The following CSMD3 variants were observed in gnomAD, a reference collection of about 807,000 sequenced individuals.
CSMD3 encodes the protein CUB and Sushi multiple domains 3, also known as CUB and sushi domain-containing protein 3.
CSMD3 carries 177 observed loss-of-function variants against 435.2 expected under a neutral mutation model. The ratio of observed to expected loss-of-function variants is 0.41; its 90% CI spans 0.36 to 0.46. CSMD3 has a LOEUF of 0.46. Among genes scored for constraint, CSMD3 ranks in the 20% least tolerant of loss-of-function variants. CSMD3 has a pLI of 0.34. For missense variants in CSMD3, 4,265 were observed against 4,504.6 expected (o/e 0.95, Z 1.52); for synonymous variants, 1,656 against 1,520.5 (o/e 1.09, Z -2.07).
intron 24 of CSMD3, among the ~76,000 whole-genome samples, chr8:112,564,888 C>A (rs1828943282): frequency 6.6e-6 from 1 of 152,018 alleles, no homozygotes; most frequent in African/African-American, 2.4e-5. Context: ...CTTTTCTAAG[C>A]CACACTTTTA....
intron 13 of CSMD3, among the ~76,000 whole-genome samples, chr8:112,721,460 CAGCT>C (rs1476832299): frequency 1.3e-5 from 2 of 152,034 alleles, no homozygotes; most frequent in East Asian, 1.9e-4. Context: ...CCTGTAATCC[CAGCT>C]ACTCAGGAGG....
chr8:112,320,201 C>G (rs1424867051), intron 45 of CSMD3, among the ~76,000 whole-genome samples: 1 of 151,702 alleles, frequency 6.6e-6, no homozygotes, highest in African/African-American at 2.4e-5. Context: ...TATTTCTTAC[C>G]CTTATTCTAG....
chr8:112,966,877 T>A (rs935765075), intron 7 of CSMD3, among the ~76,000 whole-genome samples: 5 of 151,862 alleles, frequency 3.3e-5, no homozygotes, highest in African/African-American at 7.2e-5. Context: ...AAAGTTTAGT[T>A]TTTACTATAT....
intron 3 of CSMD3, among the ~76,000 whole-genome samples, chr8:113,183,755 G>T (rs1436703471): frequency 6.6e-6 from 1 of 151,846 alleles, no homozygotes; most frequent in Non-Finnish European, 1.5e-5. Flanking sequence ...GTGATATTTT[G>T]ATACTATATA....
intron 13 of CSMD3, among the ~76,000 whole-genome samples, chr8:112,757,928 C>T (rs2077739434): frequency 1.3e-5 from 2 of 152,062 alleles, no homozygotes; most frequent in Non-Finnish European, 2.9e-5. Context: ...TGATGGCACA[C>T]ATTTGTGGTC....
intron 4 of CSMD3, among the ~76,000 whole-genome samples, chr8:113,105,882 T>TA (rs34523132): frequency 1.3e-5 from 2 of 150,598 alleles, no homozygotes; most frequent in Non-Finnish European, 3.0e-5. Context: ...AATATACAGT[T>TA]AAAAAAAAAA....
chr8:113,130,914 A>G (rs1173075394), intron 4 of CSMD3, among the ~76,000 whole-genome samples: 1 of 152,176 alleles, frequency 6.6e-6, no homozygotes, highest in Non-Finnish European at 1.5e-5. Context: ...ATGCTTTAGC[A>G]AAGAGACAGG....
chr8:113,257,586 T>A (rs1312982690), intron 3 of CSMD3, among the ~76,000 whole-genome samples: 1 of 152,280 alleles, frequency 6.6e-6, no homozygotes, highest in East Asian at 1.9e-4. Flanking sequence ...CTTTGTAATA[T>A]CCTTTATAGG....
intron 1 of CSMD3, among the ~76,000 whole-genome samples, chr8:113,430,456 G>C (rs186269811): frequency 2.3e-4 from 35 of 151,960 alleles, no homozygotes; most frequent in Admixed American, 1.6e-3. Flanking sequence ...ATCATTATTT[G>C]ACCTTCAGTG....
intron 7 of CSMD3, among the ~76,000 whole-genome samples, chr8:112,972,281 A>G (rs1213143590): frequency 6.6e-6 from 1 of 151,964 alleles, no homozygotes; most frequent in Non-Finnish European, 1.5e-5. Context: ...ATACTGCAAA[A>G]TAGCATGAAC....
intron 32 of CSMD3, among the ~76,000 whole-genome samples, chr8:112,417,332 G>A (rs1342714232): frequency 6.6e-6 from 1 of 152,090 alleles, no homozygotes; most frequent in East Asian, 1.9e-4. Context: ...CTGTAAAATA[G>A]GGATAATAAA....
chr8:113,148,663 C>A (rs1272970365), intron 4 of CSMD3, among the ~76,000 whole-genome samples: 1 of 151,614 alleles, frequency 6.6e-6, no homozygotes, highest in Non-Finnish European at 1.5e-5. Context: ...CTTGGCATGG[C>A]CCTATGTGGA....
At chr8:113,265,310 T>C (rs1440428251) in intron 3 of CSMD3, among the ~76,000 whole-genome samples, 2 of 151,370 alleles carry the variant, frequency 1.3e-5, no homozygotes, top group African/African-American at 2.4e-5. Flanking sequence ...CAAAAAAAAA[T>C]AGCCTGGGTT....
Position 113,128,244 on chromosome 8 carries a change from A to T in CSMD3, c.710-29281T>A, listed in dbSNP as rs79121125. 9.6e-4 allele frequency among the ~76,000 whole-genome samples: 146 copies of T among 152,194 alleles called. 2 individuals are homozygous for T. In the East Asian group the frequency reaches 0.027, roughly 29 times the overall value. ...CTTAACAAAGTGCTAAAGAAGCTTA[A>T]TAACATGTTTTTGAATGAGTGAATG... is the stretch of plus-strand genomic sequence containing the variant. On this transcript the variant is annotated intron_variant, in intron 4 of 70. Transcript: ENST00000297405.
At chr8:112,347,866 A>C (rs1227300861) in intron 40 of CSMD3, among the ~76,000 whole-genome samples, 1 of 152,158 alleles carries the variant, frequency 6.6e-6, no homozygotes, top group Admixed American at 6.5e-5. Flanking sequence ...TTTATTCTGA[A>C]ATTTGAGTAA....
intron 28 of CSMD3, among the ~76,000 whole-genome samples, chr8:112,516,131 T>C (rs1446149603): frequency 6.6e-6 from 1 of 152,108 alleles, no homozygotes; most frequent in African/African-American, 2.4e-5. Flanking sequence ...GGGTTAGGTG[T>C]AAGTGAACAA....
At chr8:112,836,182 T>C (rs2080018317) in intron 11 of CSMD3, among the ~76,000 whole-genome samples, 1 of 151,846 alleles carries the variant, frequency 6.6e-6, no homozygotes. Flanking sequence ...GTTTTCTCTA[T>C]TAATGTAGAT....
intron 9 of CSMD3, among the ~76,000 whole-genome samples, chr8:112,947,439 A>C (rs986173271): frequency 1.3e-5 from 2 of 151,758 alleles, no homozygotes; most frequent in Non-Finnish European, 3.0e-5. Context: ...CATGTTGCAG[A>C]AGAAGAAACT....
chr8:112,564,250 C>G (rs1828884324), intron 24 of CSMD3, among the ~76,000 whole-genome samples: 2 of 150,692 alleles, frequency 1.3e-5, no homozygotes. Context: ...TTACAGTGTC[C>G]CTTTCTATAG....
Sources: allele counts gnomAD v4.1 joint callset (sites outside exome capture counted in the v4.1 genomes callset), GRCh38; gene constraint gnomAD v4.1.1; transcripts MANE v1.5; gene names NCBI Gene and HGNC (gene_info 2026-07-23, HGNC 2026-07-21).